MYCBP2: variants seen among roughly 807,000 people sequenced by gnomAD.
The protein encoded by MYCBP2 is MYC binding protein 2, also known as E3 ubiquitin-protein ligase MYCBP2.
A neutral mutation model predicts 525.3 loss-of-function variants in MYCBP2; 120 were observed. That is an observed-to-expected ratio of 0.23 (90% CI 0.20 to 0.27). The LOEUF (loss-of-function observed/expected upper bound fraction) is 0.27, where lower values mean the gene tolerates loss of function less well. MYCBP2 is among the 10% of genes least tolerant of loss of function. The pLI is 1.00. For missense variants in MYCBP2, 4,149 were observed against 5,657.1 expected, an observed-to-expected ratio of 0.73 and a Z score of 8.55; for synonymous variants, 1,894 against 1,955.8, an observed-to-expected ratio of 0.97 and a Z score of 0.83.
rs369591612 is a variant in MYCBP2, at chr13:77,225,415, C to A, written c.2857+20G>T. On this transcript the variant is annotated intron_variant, in intron 19 of 82. Coordinates refer to ENST00000544440, the MANE Select transcript of MYCBP2 (RefSeq NM_015057.5). ...CACAATTGTAAAAACGCAGTTATACCCTAAAGTTCCAGCCGCTACCTGAAT... is the reference window on the plus strand; with the variant it reads ...CACAATTGTAAAAACGCAGTTATACACTAAAGTTCCAGCCGCTACCTGAAT... 128 of 1,612,634 alleles carry A rather than the reference C, an allele frequency of 7.9e-5. 1 individual carries two copies. In the African/African-American group the frequency reaches 1.6e-3, roughly 20 times the overall value.
rs571090390 is a variant in MYCBP2 at position 77,136,297 on chromosome 13, T to G, written c.7659+2899A>C. Among the ~76,000 whole-genome samples, 94 of 152,358 alleles carry G rather than the reference T, an allele frequency of 6.2e-4. 1 individual carries two copies. The highest frequency in any genetic ancestry group is 2.1e-3 in the African/African-American group (88 of 41,588). ...TAATAGAGTATCTCATTTGTTAAAG[T>G]GCCCTACCTATGATATCAAATACAA... On this transcript the variant is annotated intron_variant, in intron 52 of 82. Transcript: ENST00000544440.
intron 52 of MYCBP2, among the ~76,000 whole-genome samples, chr13:77,127,747 G>A (rs1011944339): frequency 6.6e-6 from 1 of 151,794 alleles, no homozygotes; most frequent in African/African-American, 2.4e-5. Flanking sequence ...TAACACAGTA[G>A]AATATTAAAA....
At chr13:77,315,081 C>A (rs73223466) in intron 1 of MYCBP2, among the ~76,000 whole-genome samples, 3,392 of 152,138 alleles carry the variant, frequency 0.022, 57 homozygotes, top group Middle Eastern at 0.075. Flanking sequence ...ATACAAGTTA[C>A]CAAAATTGAC....
chr13:77,186,880 A>G (rs2060778976), intron 30 of MYCBP2, among the ~76,000 whole-genome samples: 1 of 145,762 alleles, frequency 6.9e-6, no homozygotes, highest in South Asian at 2.1e-4. Context: ...ATCACGGGTC[A>G]CTGCAACCTC....
At chr13:77,132,515 TA>T (rs2053070170) in intron 52 of MYCBP2, among the ~76,000 whole-genome samples, 1 of 152,106 alleles carries the variant, frequency 6.6e-6, no homozygotes, top group Non-Finnish European at 1.5e-5. Context: ...CAGCCTAAAA[TA>T]AGAAGTAATC....
chr13:77,172,538 C>T (rs1820292033), intron 37 of MYCBP2, among the ~76,000 whole-genome samples: 1 of 152,098 alleles, frequency 6.6e-6, no homozygotes, highest in African/African-American at 2.4e-5. Flanking sequence ...AGGAGGGAGA[C>T]TAGTTTAGAG....
chr13:77,089,078 A>C, intron 60 of MYCBP2, 47 bp from the exon 61 acceptor site: 1 of 1,330,410 alleles, frequency 7.5e-7, no homozygotes. Flanking sequence ...CAGTGCATAT[A>C]TATTTAAGAT....
chr13:77,213,823 T>C (rs1268016610), intron 21 of MYCBP2, among the ~76,000 whole-genome samples: 2 of 152,338 alleles, frequency 1.3e-5, no homozygotes, highest in East Asian at 1.9e-4. Context: ...CAAATCTATA[T>C]GTGACTCAAA....
chr13:77,324,544 A>T (rs889427751), intron 1 of MYCBP2, among the ~76,000 whole-genome samples: 3 of 152,226 alleles, frequency 2.0e-5, no homozygotes, highest in Non-Finnish European at 4.4e-5. Context: ...TGTGAACTTA[A>T]ATAAACAATA....
intron 26 of MYCBP2, 36 bp downstream of exon 26, chr13:77,205,220 C>A: frequency 6.8e-7 from 1 of 1,478,934 alleles, no homozygotes; most frequent in South Asian, 1.6e-5. Context: ...TCAGTATGTT[C>A]AAACAAAAAA....
At chr13:77,294,131 C>CACATATATATATATATATATACAT (rs1555465826) in intron 2 of MYCBP2, among the ~76,000 whole-genome samples, 6 of 65,710 alleles carry the variant, frequency 9.1e-5, no homozygotes, top group South Asian at 5.4e-4. Flanking sequence ...TATATATATA[C>CACATATATATATATATATATACAT]ATATATATAT....
chr13:77,242,319 T>C (rs900778175), intron 17 of MYCBP2, among the ~76,000 whole-genome samples: 37 of 152,314 alleles, frequency 2.4e-4, no homozygotes, highest in African/African-American at 8.9e-4. Context: ...TTTCACCATG[T>C]TGGCCAGGAT....
At chr13:77,076,531 C>T (rs946400108) in intron 68 of MYCBP2, among the ~76,000 whole-genome samples, 1 of 151,828 alleles carries the variant, frequency 6.6e-6, no homozygotes, top group African/African-American at 2.4e-5. Flanking sequence ...ATGCAAAAAC[C>T]CAAGGTATAG....
intron 4 of MYCBP2, among the ~76,000 whole-genome samples, chr13:77,275,942 C>A (rs1225610226): frequency 6.6e-6 from 1 of 152,210 alleles, no homozygotes; most frequent in East Asian, 1.9e-4. Flanking sequence ...CAAGATCGCA[C>A]CACTGCATTC....
intron 15 of MYCBP2, among the ~76,000 whole-genome samples, chr13:77,248,773 A>G (rs2070557468): frequency 6.6e-6 from 1 of 152,140 alleles, no homozygotes; most frequent in African/African-American, 2.4e-5. Flanking sequence ...TATATGCCCA[A>G]AAGAACTGAA....
chr13:77,045,060 A>G lies in MYCBP2; in HGVS notation c.*318T>C, dbSNP rs1381244180. On this transcript the variant is annotated 3_prime_UTR_variant, in exon 83 of 83. Coordinates refer to ENST00000544440, the MANE Select transcript of MYCBP2 (RefSeq NM_015057.5). ...TGAAAGCCAGCATCGTTCTTAGTCC[A>G]TGGGCATGGCGATTCTTTTATATCA... The G allele has an allele frequency of 4.9e-6, 2 of 410,918 alleles. No individual in the cohort carries two copies. The highest frequency in any genetic ancestry group is 8.6e-6 in the Non-Finnish European group (2 of 232,776). 25.5% of individuals were successfully genotyped at this position (410,918 alleles called of 1,614,324 possible).
In MYCBP2 at chr13:77,181,813, T is replaced by C. The variant is rs148700860; in HGVS notation, c.4829A>G (p.Tyr1610Cys). 14 of 1,614,008 alleles carry C rather than the reference T, an allele frequency of 8.7e-6. No individual in the cohort carries two copies. The highest frequency in any genetic ancestry group is 1.3e-5 in the African/African-American group (1 of 74,918). The change falls in exon 33 of 83, where the codon TAT becomes TGT. Residue 1610 changes from tyrosine to cysteine, a missense_variant. Tyr to Cys is a radical substitution (Grantham distance 194, BLOSUM62 -2). This residue lies in a region of MYCBP2 where 292 missense variants were observed against 330.5 expected (regional missense o/e 0.88). Transcript: ENST00000544440. ...VKLTSIFPIA[Y>C]DGEVLLRSIV... ...TGATCGTAGTAATACTTCTCCATCA[T>C]ACGCAATCGGGAAGATGGAAGTCAG...
At chr13:77,220,463 G>A (rs2065389924) in intron 20 of MYCBP2, among the ~76,000 whole-genome samples, 1 of 151,976 alleles carries the variant, frequency 6.6e-6, no homozygotes, top group Non-Finnish European at 1.5e-5. Context: ...CAGTCATTCT[G>A]GCAATATAAC....
At chr13:77,231,209 T>C (rs2067088966) in intron 18 of MYCBP2, among the ~76,000 whole-genome samples, 1 of 152,126 alleles carries the variant, frequency 6.6e-6, no homozygotes, top group Admixed American at 6.5e-5. Flanking sequence ...CCTTACAGAG[T>C]GGTTACAAGT....
Sources: allele counts gnomAD v4.1 joint callset (sites outside exome capture counted in the v4.1 genomes callset), GRCh38; gene constraint gnomAD v4.1.1; regional missense constraint gnomAD v4.1.1; transcripts MANE v1.5; gene names NCBI Gene and HGNC (gene_info 2026-07-23, HGNC 2026-07-21).